Variants in MB21D2 observed in about 807,000 individuals in gnomAD.
MB21D2 encodes the protein nucleotidyltransferase MB21D2.
In MB21D2, 9 loss-of-function variants were observed where a neutral mutation model predicts 33.3. The observed-to-expected ratio is 0.27, with a 90% CI of 0.16 to 0.47. The LOEUF is 0.47. MB21D2 is among the 20% of genes least tolerant of loss of function. The pLI, the probability that MB21D2 is intolerant of heterozygous loss-of-function variation, is 0.99. For synonymous variants in MB21D2, 241 were observed against 236.3 expected (o/e 1.02, Z -0.18); for missense variants, 540 against 624.6 (o/e 0.86, Z 1.44).
chr3:192,870,731 A>AAGGAAGGAAG (rs1276071873), intron 1 of MB21D2, among the ~76,000 whole-genome samples: 4 of 132,742 alleles, frequency 3.0e-5, no homozygotes, highest in African/African-American at 1.2e-4. Context: ...GAAGGAGAGA[A>AAGGAAGGAAG]GAAGGAAGGA....
intron 1 of MB21D2, among the ~76,000 whole-genome samples, chr3:192,878,230 A>C (rs528208771): frequency 6.6e-6 from 1 of 151,012 alleles, no homozygotes; most frequent in East Asian, 1.9e-4. Context: ...CTCAACACCC[A>C]AAAAAAAGGA....
At chr3:192,813,850 G>C (rs899467420) in intron 1 of MB21D2, among the ~76,000 whole-genome samples, 12 of 152,110 alleles carry the variant, frequency 7.9e-5, no homozygotes, top group African/African-American at 2.9e-4. Context: ...CTATTGGGAG[G>C]AATCTATGAT....
chr3:192,905,998 A>C (rs1714208517), intron 1 of MB21D2, among the ~76,000 whole-genome samples: 1 of 152,196 alleles, frequency 6.6e-6, no homozygotes, highest in Non-Finnish European at 1.5e-5. Flanking sequence ...AACAGATACA[A>C]TAATAATACT....
At chr3:192,894,964 G>A (rs939211189) in intron 1 of MB21D2, among the ~76,000 whole-genome samples, 1 of 152,048 alleles carries the variant, frequency 6.6e-6, no homozygotes, top group Admixed American at 6.5e-5. Context: ...TCCCGAGCTC[G>A]TCTCATCTAA....
intron 1 of MB21D2, among the ~76,000 whole-genome samples, chr3:192,888,961 G>A (rs1227508410): frequency 6.6e-6 from 1 of 151,846 alleles, no homozygotes; most frequent in East Asian, 1.9e-4. Context: ...GAGTCTAAGG[G>A]ACTCTATCAT....
chr3:192,844,815 G>A (rs1044017220), intron 1 of MB21D2, among the ~76,000 whole-genome samples: 3 of 152,110 alleles, frequency 2.0e-5, no homozygotes, highest in African/African-American at 7.2e-5. Context: ...ACATACAACC[G>A]TATTTTGCCT....
At chr3:192,849,320 G>T (rs1270469658) in intron 1 of MB21D2, among the ~76,000 whole-genome samples, 1 of 134,232 alleles carries the variant, frequency 7.4e-6, no homozygotes, top group African/African-American at 2.6e-5. Flanking sequence ...TTTTTTTGGG[G>T]GGGGGGCGGG....
At chr3:192,828,651 T>A (rs556986813) in intron 1 of MB21D2, among the ~76,000 whole-genome samples, 1 of 48,620 alleles carries the variant, frequency 2.1e-5, no homozygotes, top group Admixed American at 2.9e-4. Context: ...TATATATATA[T>A]ATATATATAT....
At chr3:192,901,826 C>T (rs1714110225) in intron 1 of MB21D2, among the ~76,000 whole-genome samples, 1 of 152,138 alleles carries the variant, frequency 6.6e-6, no homozygotes, top group Admixed American at 6.5e-5. Context: ...AGATCTGCTC[C>T]CCCATTATCC....
At chr3:192,878,131 G>T (rs1207537395) in intron 1 of MB21D2, among the ~76,000 whole-genome samples, 1 of 124,050 alleles carries the variant, frequency 8.1e-6, no homozygotes, top group Non-Finnish European at 1.5e-5. Flanking sequence ...ACGGAGTCTC[G>T]CTCTGTCGCC....
At chr3:192,812,891 T>C (rs4687361) in intron 1 of MB21D2, among the ~76,000 whole-genome samples, 80,917 of 151,918 alleles carry the variant, frequency 0.53, 21,844 homozygotes, top group South Asian at 0.6. Flanking sequence ...GGAGAACCTA[T>C]AAATAAATGG....
chr3:192,892,902 C>A (rs1713882428), intron 1 of MB21D2, among the ~76,000 whole-genome samples: 1 of 152,106 alleles, frequency 6.6e-6, no homozygotes, highest in Middle Eastern at 3.2e-3. Flanking sequence ...GTATTAGACA[C>A]CTCTGAACCT....
Position 192,828,591 on chromosome 3 carries a change from CATATATATATATATA to C in MB21D2, c.212-28956_212-28942del, listed in dbSNP as rs1712230613. ...TATATACAATAAAACTCACCCCCCCCATATATATATATATATATATATATATATATATATATATAT... is the reference window on the plus strand; with the variant it reads ...TATATACAATAAAACTCACCCCCCCCTATATATATATATATATATATATAT... On this transcript the variant is annotated intron_variant, in intron 1 of 1. Coordinates refer to ENST00000392452, the MANE Select transcript of MB21D2 (RefSeq NM_178496.4). Among the ~76,000 whole-genome samples, 25 of 54,142 alleles carry C rather than the reference CATATATATATATATA, an allele frequency of 4.6e-4. 2 individuals are homozygous for C. Among genetic ancestry groups the C allele is most frequent in the South Asian group, 7.9e-4 (1 of 1,258 alleles). 35.5% of individuals were successfully genotyped at this position (54,142 alleles called of 152,430 possible). A position where few individuals can be genotyped will look rare whatever the true frequency, so the allele number is the denominator to read the frequency against.
Position 192,799,288 on chromosome 3 carries a change from T to A in MB21D2, c.574A>T (p.Ile192Phe). Residue 192 changes from isoleucine (I) to phenylalanine (F), a missense_variant, in exon 2 of 2, where the codon ATC becomes TTC. Transcript: ENST00000392452. This position sits in a 1 kb window ranked among gnomAD's most constrained non-coding sequence, Gnocchi z 4.1. Reference protein sequence around the residue: ...TKVADWFYDSISIVLSEIQKK... With the variant: ...TKVADWFYDSFSIVLSEIQKK... The stretch of plus-strand genomic sequence containing the variant: ...TGTATTTCTGATAGGACAATGCTGA[T>A]AGAGTCATAGAACCAGTCAGCCACT... The A allele has an allele frequency of 1.2e-6, 2 of 1,614,232 alleles. No homozygotes were observed. Among genetic ancestry groups the A allele is most frequent in the South Asian group, 2.2e-5 (2 of 91,086 alleles).
chr3:192,857,406 G>A (rs985941298), intron 1 of MB21D2, among the ~76,000 whole-genome samples: 1 of 152,178 alleles, frequency 6.6e-6, no homozygotes, highest in Non-Finnish European at 1.5e-5. Context: ...TTCAAAGTCA[G>A]CCAGAATTCA....
intron 1 of MB21D2, among the ~76,000 whole-genome samples, chr3:192,900,284 CAAAAAA>C (rs66984849): frequency 1.6e-4 from 15 of 91,158 alleles, no homozygotes; most frequent in Non-Finnish European, 1.9e-4. Context: ...GACTCTGTCT[CAAAAAA>C]AAAAAAAAAA....
At chr3:192,812,546 C>T (rs886351483) in intron 1 of MB21D2, among the ~76,000 whole-genome samples, 4 of 152,056 alleles carry the variant, frequency 2.6e-5, no homozygotes, top group East Asian at 1.9e-4. Flanking sequence ...TGATATACTT[C>T]GACTGACAAC....
intron 1 of MB21D2, among the ~76,000 whole-genome samples, chr3:192,831,324 G>A (rs7622135): frequency 0.52 from 78,558 of 151,902 alleles, 20,772 homozygotes; most frequent in East Asian, 0.76. Flanking sequence ...GATGATTTCA[G>A]CCCTGCAACC....
At chr3:192,861,991 T>C (rs889198447) in intron 1 of MB21D2, among the ~76,000 whole-genome samples, 10 of 152,268 alleles carry the variant, frequency 6.6e-5, no homozygotes, top group African/African-American at 1.2e-4. Context: ...AGCCAAGCCT[T>C]GGTCTTGTGG....
Sources: allele counts gnomAD v4.1 joint callset (sites outside exome capture counted in the v4.1 genomes callset), GRCh38; gene constraint gnomAD v4.1.1; non-coding constraint Gnocchi (gnomAD v3.1); transcripts MANE v1.5; gene names NCBI Gene and HGNC (gene_info 2026-07-23, HGNC 2026-07-21).